M1AP: variants seen among roughly 807,000 people sequenced by gnomAD.
The protein encoded by M1AP is meiosis 1 associated protein.
In M1AP, 39 loss-of-function variants were observed where a neutral mutation model predicts 51.2. That is an observed-to-expected ratio of 0.76 (90% CI 0.59 to 1.00). M1AP has a LOEUF of 1.00. Among genes scored for constraint, M1AP ranks in the 50% least tolerant of loss-of-function variants. The probability of loss-of-function intolerance (pLI) is 0.00; values close to 1 mark genes in which losing one functional copy is unlikely to be tolerated. For synonymous variants in M1AP, 251 were observed against 249.2 expected, an observed-to-expected ratio of 1.01 and a Z score of -0.07; for missense variants, 545 against 641.2, an observed-to-expected ratio of 0.85 and a Z score of 1.62.
At chr2:74,628,760 A>T in intron 2 of M1AP, 1 of 532,954 alleles carries the variant, frequency 1.9e-6, no homozygotes, top group Non-Finnish European at 3.7e-6. Flanking sequence ...TACAGGCAAT[A>T]AAGCTGCTGC....
intron 5 of M1AP, 170 bp from the exon 6 acceptor site, chr2:74,576,788 A>T: frequency 1.6e-6 from 2 of 1,250,054 alleles, no homozygotes; most frequent in South Asian, 1.6e-5. Context: ...GGAAAGCCTG[A>T]CTGGTTTGGA....
intron 7 of M1AP, among the ~76,000 whole-genome samples, chr2:74,565,195 C>T (rs899161356): frequency 6.6e-6 from 1 of 151,972 alleles, no homozygotes; most frequent in Non-Finnish European, 1.5e-5. Context: ...TGCACTCCAG[C>T]CTGGGCGACA....
intron 1 of M1AP, among the ~76,000 whole-genome samples, chr2:74,643,274 T>C (rs1293994097): frequency 6.6e-6 from 1 of 152,158 alleles, no homozygotes; most frequent in East Asian, 1.9e-4. Context: ...AATCATAGTA[T>C]ATTTCCACAT....
At chr2:74,576,960 G>A in intron 5 of M1AP, 2 of 1,054,688 alleles carry the variant, frequency 1.9e-6, no homozygotes, top group Non-Finnish European at 1.2e-6. Flanking sequence ...TGAGGAACAT[G>A]TATCCTCTGT....
intron 7 of M1AP, among the ~76,000 whole-genome samples, chr2:74,569,222 G>A (rs539507507): frequency 1.3e-5 from 2 of 152,286 alleles, no homozygotes; most frequent in East Asian, 1.9e-4. Flanking sequence ...CAACCACTAT[G>A]TGGAAATCAT....
At chr2:74,584,275 G>A (rs1679574991) in intron 4 of M1AP, among the ~76,000 whole-genome samples, 1 of 151,982 alleles carries the variant, frequency 6.6e-6, no homozygotes, top group Non-Finnish European at 1.5e-5. Context: ...CTTCAGTGAG[G>A]CAAAACAGTT....
chr2:74,639,272 T>C (rs1266761832), intron 2 of M1AP, among the ~76,000 whole-genome samples: 2 of 152,244 alleles, frequency 1.3e-5, no homozygotes, highest in Non-Finnish European at 2.9e-5. Flanking sequence ...AATTCAGCAA[T>C]GGATTTATGA....
intron 2 of M1AP, among the ~76,000 whole-genome samples, chr2:74,619,679 T>A (rs1300387428): frequency 6.6e-6 from 1 of 152,206 alleles, no homozygotes; most frequent in Non-Finnish European, 1.5e-5. Flanking sequence ...ACAAGATACA[T>A]AAATATTTAT....
intron 3 of M1AP, 59 bp downstream of exon 3, chr2:74,614,905 G>T: frequency 2.1e-6 from 3 of 1,420,090 alleles, no homozygotes; most frequent in South Asian, 1.2e-5. Flanking sequence ...GATAAACAAT[G>T]ACCTATATGG....
intron 4 of M1AP, among the ~76,000 whole-genome samples, chr2:74,592,908 C>T (rs1343474948): frequency 6.6e-6 from 1 of 152,174 alleles, no homozygotes; most frequent in East Asian, 1.9e-4. Flanking sequence ...TTATCCTATG[C>T]TAAATTAATA....
chr2:74,641,641 C>CT (rs111350730), intron 1 of M1AP, among the ~76,000 whole-genome samples: 13,846 of 140,964 alleles, frequency 0.098, 1,757 homozygotes, highest in African/African-American at 0.29. Context: ...GAATTTCAAT[C>CT]TTTTTTTTTT....
At chr2:74,647,771 G>C (rs183767297) in intron 1 of M1AP, among the ~76,000 whole-genome samples, 1 of 152,194 alleles carries the variant, frequency 6.6e-6, no homozygotes, top group Non-Finnish European at 1.5e-5. Context: ...GCGGGAGCCT[G>C]TAATTCCAGC....
At chr2:74,622,466 G>C (rs1682110164) in intron 2 of M1AP, among the ~76,000 whole-genome samples, 1 of 151,596 alleles carries the variant, frequency 6.6e-6, no homozygotes, top group Non-Finnish European at 1.5e-5. Flanking sequence ...TCAAATTCCT[G>C]ACAGGTGATC....
chr2:74,637,525 C>T (rs570646550), intron 2 of M1AP, among the ~76,000 whole-genome samples: 16 of 152,290 alleles, frequency 1.1e-4, no homozygotes, highest in African/African-American at 3.9e-4. Flanking sequence ...ATGGGTGCTA[C>T]ATAGTTTTGT....
rs939959471 is a variant in M1AP at position 74,648,300 on chromosome 2, C to G, written c.-88G>C. The G allele has an allele frequency of 3.0e-6, 3 of 985,502 alleles. No individual in the cohort carries two copies. In the African/African-American group the frequency reaches 5.2e-5, roughly 17 times the overall value. The allele number at this position is 985,502 out of a possible 1,614,324, so 61.0% of individuals were successfully genotyped here. ...AAGACGGAGGCCCCCTCACCTGGTC[C>G]TCCCGGCTCTCAGCGTGCGCCCGCG... On this transcript the variant is annotated 5_prime_UTR_variant, in exon 1 of 11. Transcript: ENST00000421985.
At chr2:74,641,758 G>A (rs567659193) in intron 1 of M1AP, among the ~76,000 whole-genome samples, 2 of 151,312 alleles carry the variant, frequency 1.3e-5, no homozygotes, top group African/African-American at 2.4e-5. Flanking sequence ...TTACAGGTGT[G>A]AGCCACCGCG....
intron 2 of M1AP, 105 bp from the exon 3 acceptor site, chr2:74,615,254 TC>T: frequency 9.7e-7 from 1 of 1,027,764 alleles, no homozygotes; most frequent in Admixed American, 2.3e-5. Context: ...TTCCTTCCCT[TC>T]CTGAAAATTT....
chr2:74,590,176 C>A (rs116237511), intron 4 of M1AP, among the ~76,000 whole-genome samples: 1 of 152,154 alleles, frequency 6.6e-6, no homozygotes, highest in Non-Finnish European at 1.5e-5. Context: ...TATTTCTCAC[C>A]GTTTTGGAGG....
rs1381832260 is a variant in M1AP at position 74,581,569 on chromosome 2, C to T, written c.769+105G>A. ...CAGCCTCATCCAACCCTCTTCCAGT[C>T]CCTAAACCTCAACGATGCTATATTC... On this transcript the variant is annotated intron_variant, in intron 5 of 10. Coordinates refer to ENST00000421985, the MANE Select transcript of M1AP (RefSeq NM_001321739.2). 5 of 1,114,166 alleles carry T rather than the reference C, an allele frequency of 4.5e-6. No homozygotes were observed. The South Asian group carries it at 7.5e-5, about 17-fold the overall frequency. The allele number at this position is 1,114,166 out of a possible 1,614,324, so 69.0% of individuals were successfully genotyped here.
Sources: allele counts gnomAD v4.1 joint callset (sites outside exome capture counted in the v4.1 genomes callset), GRCh38; gene constraint gnomAD v4.1.1; transcripts MANE v1.5; gene names NCBI Gene and HGNC (gene_info 2026-07-23, HGNC 2026-07-21).